Variants in MON2 observed in about 807,000 individuals in gnomAD.
MON2 encodes MON2 regulator of endosome-to-Golgi trafficking.
MON2 carries 84 observed loss-of-function variants against 208.6 expected under a neutral mutation model. That is an observed-to-expected ratio of 0.40 (90% CI 0.34 to 0.48). The LOEUF is 0.48. MON2 is among the 20% of genes least tolerant of loss of function. The pLI is 0.59. For missense variants in MON2, 1,611 were observed against 2,015.4 expected (o/e 0.80, Z 3.84); for synonymous variants, 660 against 694.0 (o/e 0.95, Z 0.77).
chr12:62,588,002 CTT>C (rs1159083354), intron 33 of MON2, 70 bp from the exon 34 acceptor site: 2 of 926,604 alleles, frequency 2.2e-6, no homozygotes, highest in Non-Finnish European at 3.4e-6. Flanking sequence ...TTTGTACAAA[CTT>C]AGTTTAAAAA....
intron 1 of MON2, among the ~76,000 whole-genome samples, chr12:62,469,206 G>A (rs2068667003): frequency 6.7e-6 from 1 of 149,316 alleles, no homozygotes; most frequent in Non-Finnish European, 1.5e-5. Context: ...GGCTCCCAAA[G>A]TGCTGGGATT....
rs117331300 is a variant in MON2, at chr12:62,550,475, T to A, written c.2916+645T>A. Among the ~76,000 whole-genome samples, 397 of 152,264 alleles carry A rather than the reference T, an allele frequency of 2.6e-3. 13 individuals are homozygous for A. In the East Asian group the frequency reaches 0.037, roughly 14 times the overall value. On this transcript the variant is annotated intron_variant, in intron 23 of 34. Coordinates refer to ENST00000393630, the MANE Select transcript of MON2 (RefSeq NM_015026.3). ...AATTGGAGGCTGCAGTGAGCTATGA[T>A]CACAGCACTGCACTCCAGCCTTGGC...
intron 30 of MON2, among the ~76,000 whole-genome samples, chr12:62,578,059 C>A (rs1397055173): frequency 2.0e-5 from 3 of 152,108 alleles, no homozygotes; most frequent in Non-Finnish European, 4.4e-5. Context: ...AATAATTCAG[C>A]AGCTGAACTA....
intron 23 of MON2, among the ~76,000 whole-genome samples, chr12:62,552,103 A>T (rs561795141): frequency 3.3e-5 from 5 of 152,328 alleles, no homozygotes; most frequent in African/African-American, 1.2e-4. Flanking sequence ...AGTATTATTC[A>T]AAGTATACAG....
At chr12:62,489,499 T>C (rs915098847) in intron 2 of MON2, among the ~76,000 whole-genome samples, 9 of 152,272 alleles carry the variant, frequency 5.9e-5, no homozygotes, top group African/African-American at 2.2e-4. Flanking sequence ...CTTTTGATTT[T>C]TTTATCTAGA....
chr12:62,520,045 G>A (rs184054761), intron 8 of MON2, among the ~76,000 whole-genome samples: 246 of 152,314 alleles, frequency 1.6e-3, no homozygotes, highest in Non-Finnish European at 3.0e-3. Context: ...TCGATCTCCT[G>A]ACCTCGTGAT....
At position 62,566,448 on chromosome 12, in the gene MON2, A is replaced by G. The variant is rs200302237; in HGVS notation, c.4321A>G (p.Lys1441Glu). The G allele has an allele frequency of 1.9e-6, 3 of 1,610,718 alleles. No homozygotes were observed. In the Admixed American group the frequency reaches 5.0e-5, roughly 27 times the overall value. ...VNEKVLQNII[K>E]TLRVPLSLKY... ...TGAGAAAGTGCTCCAGAATATTATT[A>G]AGGTATCTTTTTTTCATTTCTACAC... The change falls in exon 29 of 35, where the codon AAG (lysine) becomes GAG (glutamate). Residue 1441 changes from lysine (K) to glutamate (E), a missense_variant and splice_region_variant. Coordinates refer to ENST00000393630, the MANE Select transcript of MON2 (RefSeq NM_015026.3).
intron 8 of MON2, 21 bp downstream of exon 8, chr12:62,508,501 G>GT: frequency 6.3e-7 from 1 of 1,599,116 alleles, no homozygotes; most frequent in Non-Finnish European, 8.6e-7. Flanking sequence ...ATTTCCTTAT[G>GT]TATTTGTGTA....
At chr12:62,479,191 G>A (rs2135979283) in intron 1 of MON2, among the ~76,000 whole-genome samples, 1 of 152,246 alleles carries the variant, frequency 6.6e-6, no homozygotes, top group Non-Finnish European at 1.5e-5. Flanking sequence ...GAAAGTAAAT[G>A]AAACCATGAA....
chr12:62,511,858 TG>T (rs1334612657), intron 8 of MON2, among the ~76,000 whole-genome samples: 1 of 152,138 alleles, frequency 6.6e-6, no homozygotes, highest in African/African-American at 2.4e-5. Context: ...TACCCGAGAC[TG>T]GGCAATTTAC....
chr12:62,557,928 TTATATATATATATATATATATA>T lies in MON2; in HGVS notation c.3409+1750_3409+1771del, dbSNP rs71086609. 2.2e-3 allele frequency among the ~76,000 whole-genome samples: 101 copies of T among 46,130 alleles called. 3 individuals are homozygous for T. Among genetic ancestry groups the T allele is most frequent in the African/African-American group, 8.7e-3 (90 of 10,384 alleles). The allele number at this position is 46,130 out of a possible 152,430, so 30.3% of individuals were successfully genotyped here. ...TCTTAAAAGCTGAGAACGAATAGATTTATATATATATATATATATATATATATATATATATTTTTTTTTTTTT... is the reference window on the plus strand; with the variant it reads ...TCTTAAAAGCTGAGAACGAATAGATTTATATATATATATTTTTTTTTTTTT... On this transcript the variant is annotated intron_variant, in intron 25 of 34. Transcript: ENST00000393630.
chr12:62,493,848 A>C (rs2070318432), intron 2 of MON2, 67 bp from the exon 3 acceptor site: 1 of 1,194,698 alleles, frequency 8.4e-7, no homozygotes. Flanking sequence ...GGTTGTAATT[A>C]TATAAAAATG....
chr12:62,560,260 A>G, intron 25 of MON2: 1 of 411,808 alleles, frequency 2.4e-6, no homozygotes, highest in Non-Finnish European at 4.3e-6. Flanking sequence ...TATATCCATC[A>G]TCCTCCTCTT....
rs556727199 is a variant in MON2 at position 62,518,586 on chromosome 12, A to G, written c.985-5929A>G. On this transcript the variant is annotated intron_variant, in intron 8 of 34. Transcript: ENST00000393630. ...GTGCCAAGTTTCTTGTATTGCTTCT[A>G]TAACATTCTCCATATTTTGACCTTT... Among the ~76,000 whole-genome samples the G allele has an allele frequency of 3.3e-4, 50 of 152,076 alleles. No individual in the cohort carries two copies. The South Asian group carries it at 7.9e-3, about 24-fold the overall frequency.
chr12:62,522,628 T>C (rs1191562899), intron 8 of MON2, among the ~76,000 whole-genome samples: 1 of 152,182 alleles, frequency 6.6e-6, no homozygotes, highest in Middle Eastern at 3.2e-3. Flanking sequence ...ATGACATATC[T>C]GGGTCACAAA....
At position 62,538,449 on chromosome 12, in the gene MON2, A is replaced by G. The variant is rs771114901; in HGVS notation, c.2308A>G (p.Asn770Asp). ...TGATGTATCACTGCATCATTTAATA[A>G]ATGCACTTTGCTCCTTGTCTCTAGA... ...LDDVSLHHLI[N>D]ALCSLSLEAM... Residue 770 changes from asparagine (N) to aspartate (D), a missense_variant, in exon 19 of 35, where the codon AAT becomes GAT. By Grantham distance (23) the Asn-to-Asp change is conservative. Transcript: ENST00000393630. The G allele has an allele frequency of 8.7e-6, 14 of 1,611,942 alleles. No individual in the cohort carries two copies. Among genetic ancestry groups the G allele is most frequent in the African/African-American group, 1.3e-5 (1 of 75,000 alleles).
At chr12:62,482,284 A>G (rs574018912) in intron 1 of MON2, 71 of 152,358 alleles carry the variant, frequency 4.7e-4, no homozygotes, top group Admixed American at 2.3e-3. Context: ...TTCTTCAAAC[A>G]CAAGCAAGGG....
At chr12:62,566,482 G>A in intron 29 of MON2, 32 bp downstream of exon 29, 1 of 1,586,398 alleles carries the variant, frequency 6.3e-7, no homozygotes, top group Non-Finnish European at 8.6e-7. Flanking sequence ...ACTTTCATTA[G>A]ATGGTGTGAA....
intron 21 of MON2, among the ~76,000 whole-genome samples, chr12:62,545,301 C>T (rs1194325307): frequency 2.6e-5 from 4 of 151,500 alleles, no homozygotes; most frequent in Non-Finnish European, 5.9e-5. Flanking sequence ...TGTTTTGGAG[C>T]CTCTTTTGCT....
Sources: allele counts gnomAD v4.1 joint callset (sites outside exome capture counted in the v4.1 genomes callset), GRCh38; gene constraint gnomAD v4.1.1; transcripts MANE v1.5; gene names NCBI Gene and HGNC (gene_info 2026-07-23, HGNC 2026-07-21).